ABAT: variants seen among roughly 807,000 people sequenced by gnomAD.
ABAT encodes 4-aminobutyrate aminotransferase.
In ABAT, 45 loss-of-function variants were observed where a neutral mutation model predicts 64.6. That is an observed-to-expected ratio of 0.70 (90% CI 0.55 to 0.89). The LOEUF is 0.89. Ranked by LOEUF, ABAT falls within the 40% of genes least tolerant of loss-of-function variation. ABAT has a pLI of 0.00. For synonymous variants in ABAT, 297 were observed against 250.5 expected, an observed-to-expected ratio of 1.19 and a Z score of -1.75; for missense variants, 633 against 658.4, an observed-to-expected ratio of 0.96 and a Z score of 0.42.
chr16:8,703,449 G>C (rs965666275), intron 1 of ABAT, among the ~76,000 whole-genome samples: 2 of 151,298 alleles, frequency 1.3e-5, no homozygotes, highest in African/African-American at 2.4e-5. Flanking sequence ...GACAGAGTGA[G>C]ACTCTGTCTC....
Position 8,757,798 on chromosome 16 carries a change from C to T in ABAT, c.358C>T (p.Gln120Ter), listed in dbSNP as rs776396030. The T allele has an allele frequency of 6.2e-7, 1 of 1,614,012 alleles. No homozygotes were observed. The highest frequency in any genetic ancestry group is 8.5e-7 in the Non-Finnish European group (1 of 1,179,918). The change falls in exon 6 of 16, where the codon CAA becomes TAA. Residue 120 changes from glutamine to a stop codon, truncating the protein, a stop_gained. Coordinates refer to ENST00000268251, the MANE Select transcript of ABAT (RefSeq NM_020686.6). LOFTEE classifies it high-confidence loss of function. ...PALLKLIQQPQNASMFVNRPA... is the reference protein window; with the variant it reads ...PALLKLIQQP ...CCTGCTGAAACTCATCCAACAGCCT[C>T]AAAATGCGGTAGGTCTTGGGGTTAC...
At chr16:8,730,824 A>C (rs1404815042) in intron 1 of ABAT, among the ~76,000 whole-genome samples, 1 of 152,188 alleles carries the variant, frequency 6.6e-6, no homozygotes, top group Non-Finnish European at 1.5e-5. Context: ...TGAGCCAGAT[A>C]TCTCTCAACC....
At chr16:8,686,299 C>T (rs1168418773) in intron 1 of ABAT, among the ~76,000 whole-genome samples, 1 of 152,198 alleles carries the variant, frequency 6.6e-6, no homozygotes, top group Non-Finnish European at 1.5e-5. Context: ...CCTGCCCCAG[C>T]CCTAAGTGTC....
chr16:8,732,209 G>GTTTTTTTTTTTTTTTTTTTTT (rs2058744926), intron 1 of ABAT, among the ~76,000 whole-genome samples: 4 of 3,342 alleles, frequency 1.2e-3, no homozygotes, highest in Admixed American at 4.9e-3. Flanking sequence ...TTTTTTTTTT[G>GTTTTTTTTTTTTTTTTTTTTT]TTTGTTTGTT....
chr16:8,734,180 C>T (rs926303292), intron 1 of ABAT, among the ~76,000 whole-genome samples: 7 of 152,192 alleles, frequency 4.6e-5, no homozygotes, highest in Non-Finnish European at 7.3e-5. Context: ...GTTGCTGGCA[C>T]GTGAAAGAAG....
chr16:8,776,525 C>A lies in ABAT; in HGVS notation c.1269+35C>A, dbSNP rs1360584926. 1 of 1,555,546 alleles carries A rather than the reference C, an allele frequency of 6.4e-7. No homozygotes were observed. The highest frequency in any genetic ancestry group is 8.7e-7 in the Non-Finnish European group (1 of 1,149,954). On this transcript the variant is annotated intron_variant, in intron 14 of 15. Transcript: ENST00000268251. The surrounding 1 kb of genome is among the most constrained non-coding windows in gnomAD (Gnocchi z 4.4). Reference sequence around the variant, plus strand: ...CCTCCCCTGCCCCGCCCCCACCACCCATGGCTCCCCGCAGCAGCCTCCGGG... The same window carrying A: ...CCTCCCCTGCCCCGCCCCCACCACCAATGGCTCCCCGCAGCAGCCTCCGGG...
At chr16:8,727,035 A>G (rs1243395091) in intron 1 of ABAT, among the ~76,000 whole-genome samples, 1 of 152,124 alleles carries the variant, frequency 6.6e-6, no homozygotes, top group Non-Finnish European at 1.5e-5. Context: ...TTTTGATCGA[A>G]TTATGAGATT....
chr16:8,772,121 C>T (rs1009144471), intron 11 of ABAT, among the ~76,000 whole-genome samples: 2 of 152,104 alleles, frequency 1.3e-5, no homozygotes, highest in Non-Finnish European at 2.9e-5. Flanking sequence ...AAAGGATTCT[C>T]ACACCAATCA....
At chr16:8,693,807 T>C (rs1350886358) in intron 1 of ABAT, among the ~76,000 whole-genome samples, 1 of 152,136 alleles carries the variant, frequency 6.6e-6, no homozygotes, top group Non-Finnish European at 1.5e-5. Flanking sequence ...GGTTTTATTT[T>C]GTTTCACTTT....
chr16:8,775,131 C>T, intron 13 of ABAT, 74 bp downstream of exon 13: 1 of 1,602,740 alleles, frequency 6.2e-7, no homozygotes, highest in Non-Finnish European at 8.5e-7. Flanking sequence ...CTGTTCCTTT[C>T]TCACCATCGA....
chr16:8,770,373 G>C (rs1169492930), intron 11 of ABAT, among the ~76,000 whole-genome samples: 3 of 152,124 alleles, frequency 2.0e-5, no homozygotes, highest in Non-Finnish European at 4.4e-5. Flanking sequence ...TCCTGACCTT[G>C]TGATCCGCCC....
At chr16:8,742,234 TC>T (rs1567298499) in intron 2 of ABAT, among the ~76,000 whole-genome samples, 1 of 152,164 alleles carries the variant, frequency 6.6e-6, no homozygotes, top group East Asian at 1.9e-4. Context: ...GATCCCACGC[TC>T]TCCAGTCATT....
At chr16:8,676,194 G>A (rs548930795) in intron 1 of ABAT, among the ~76,000 whole-genome samples, 3 of 152,272 alleles carry the variant, frequency 2.0e-5, no homozygotes, top group Admixed American at 2.0e-4. Context: ...GGTTAGCCAC[G>A]GGGAGAGGTA....
intron 6 of ABAT, among the ~76,000 whole-genome samples, chr16:8,763,764 A>T (rs946224540): frequency 2.0e-5 from 3 of 152,200 alleles, no homozygotes; most frequent in African/African-American, 7.2e-5. Flanking sequence ...GAAGTTGCAA[A>T]AACCAGTACA....
chr16:8,779,573 T>C lies in ABAT; in HGVS notation c.1364T>C (p.Leu455Ser). The change falls in exon 15 of 16, where the codon TTA becomes TCA. Residue 455 changes from leucine (L) to serine (S), a missense_variant. Transcript: ENST00000268251. ...GATTCCATACGGAATAAGCTCATTT[T>C]AATTGCCAGAAACAAAGGTAAGGGG... Reference protein sequence around the residue: ...PDDSIRNKLILIARNKGVVLG... With the variant: ...PDDSIRNKLISIARNKGVVLG... The C allele has an allele frequency of 6.2e-7, 1 of 1,614,100 alleles. No individual in the cohort carries two copies. The highest frequency in any genetic ancestry group is 8.5e-7 in the Non-Finnish European group (1 of 1,179,986).
At chr16:8,746,765 G>C (rs187491118) in intron 3 of ABAT, among the ~76,000 whole-genome samples, 9 of 152,066 alleles carry the variant, frequency 5.9e-5, no homozygotes, top group African/African-American at 2.2e-4. Context: ...AGATGTATCA[G>C]TTTTCTCCTA....
In ABAT at chr16:8,776,253, C is replaced by G; in HGVS notation, c.1123-91C>G. 1 of 1,581,996 alleles carries G rather than the reference C, an allele frequency of 6.3e-7. No individual in the cohort carries two copies. The highest frequency in any genetic ancestry group is 8.7e-7 in the Non-Finnish European group (1 of 1,155,998). On this transcript the variant is annotated intron_variant, in intron 13 of 15. Coordinates refer to ENST00000268251, the MANE Select transcript of ABAT (RefSeq NM_020686.6). This position sits in a 1 kb window ranked among gnomAD's most constrained non-coding sequence, Gnocchi z 4.4. ...TGCCCACTAGATTAGTTTCTCTCCT[C>G]TTCAAGAGAGGAGGCGGGGCGCCTG...
intron 1 of ABAT, among the ~76,000 whole-genome samples, chr16:8,699,275 G>C (rs2057768164): frequency 6.6e-6 from 1 of 152,158 alleles, no homozygotes; most frequent in African/African-American, 2.4e-5. Context: ...ATGTACAAAT[G>C]GCCACTTGAG....
chr16:8,724,023 T>A (rs2058461924), intron 1 of ABAT, among the ~76,000 whole-genome samples: 1 of 151,438 alleles, frequency 6.6e-6, no homozygotes, highest in South Asian at 2.1e-4. Flanking sequence ...ATATTTTTAG[T>A]AGAGACAGGA....
Sources: gnomAD v4.1 joint callset for allele counts (sites outside exome capture counted in the v4.1 genomes callset) on GRCh38, gnomAD v4.1.1 for gene constraint, Gnocchi (gnomAD v3.1) non-coding constraint, MANE v1.5 for transcripts, NCBI Gene and HGNC (gene_info 2026-07-23, HGNC 2026-07-21) for gene names.